The following NUP205 variants were observed in gnomAD, a reference collection of about 807,000 sequenced individuals.
NUP205 encodes nucleoporin 205.
In NUP205, 76 loss-of-function variants were observed where a neutral mutation model predicts 253.8. The ratio of observed to expected loss-of-function variants is 0.30; its 90% CI spans 0.25 to 0.36. The LOEUF (loss-of-function observed/expected upper bound fraction) is 0.36, where lower values mean the gene tolerates loss of function less well. Among genes scored for constraint, NUP205 ranks in the 10% least tolerant of loss-of-function variants. The probability of loss-of-function intolerance (pLI) is 1.00; values close to 1 mark genes in which losing one functional copy is unlikely to be tolerated. For missense variants in NUP205, 2,162 were observed against 2,425.5 expected (o/e 0.89, Z 2.28); for synonymous variants, 832 against 850.1 (o/e 0.98, Z 0.37).
intron 40 of NUP205, among the ~76,000 whole-genome samples, chr7:135,645,266 G>A (rs2129492689): frequency 6.6e-6 from 1 of 152,294 alleles, no homozygotes; most frequent in Middle Eastern, 3.4e-3. Flanking sequence ...TGCTGGCACA[G>A]GACCCCAAGG....
chr7:135,564,568 A>G (rs2129489503), intron 1 of NUP205, among the ~76,000 whole-genome samples: 1 of 150,488 alleles, frequency 6.6e-6, no homozygotes, highest in South Asian at 2.1e-4. Context: ...TTAAATAGAG[A>G]CAGGGTTTTG....
In NUP205 at chr7:135,616,712, A is replaced by T; in HGVS notation, c.3518A>T (p.Asp1173Val). 6.4e-7 allele frequency: 1 copy of T among 1,562,952 alleles called. No homozygotes were observed. The highest frequency in any genetic ancestry group is 8.6e-7 in the Non-Finnish European group (1 of 1,157,352). The change falls in exon 25 of 43, where the codon GAC (aspartate) becomes GTC (valine). Residue 1173 changes from aspartate (D) to valine (V), a missense_variant. By Grantham distance (152) the Asp-to-Val change is radical. Around this residue, in one of 5 missense-constraint regions of NUP205, gnomAD observed 1,144 missense variants for 1,280.9 expected, o/e 0.89. Coordinates refer to ENST00000285968, the MANE Select transcript of NUP205 (RefSeq NM_015135.3). ...TCTGTTTCTGGGTTCCTTCACTTTG[A>T]CACTGCTACAAAAGGTAATGCCCTT... is the stretch of plus-strand genomic sequence containing the variant. ...NRSVSGFLHF[D>V]TATKVRRKIL... is the part of the protein sequence containing the mutation.
At chr7:135,589,759 GTC>G (rs1347360134) in intron 10 of NUP205, among the ~76,000 whole-genome samples, 1 of 151,134 alleles carries the variant, frequency 6.6e-6, no homozygotes, top group Non-Finnish European at 1.5e-5. Flanking sequence ...GGTGAACCCT[GTC>G]TCTACAAAAA....
chr7:135,646,565 A>G (rs1464234445), intron 42 of NUP205, among the ~76,000 whole-genome samples: 1 of 152,188 alleles, frequency 6.6e-6, no homozygotes, highest in East Asian at 1.9e-4. Flanking sequence ...TCTCCAATAA[A>G]TGAATGAAAG....
intron 10 of NUP205, among the ~76,000 whole-genome samples, chr7:135,591,088 A>G (rs932814148): frequency 2.6e-5 from 4 of 152,132 alleles, no homozygotes; most frequent in Non-Finnish European, 4.4e-5. Context: ...TCTAGATACT[A>G]ATTTGGCTGG....
intron 20 of NUP205, among the ~76,000 whole-genome samples, 182 bp from the exon 21 acceptor site, chr7:135,606,569 A>G (rs1794090012): frequency 6.6e-6 from 1 of 152,244 alleles, no homozygotes; most frequent in African/African-American, 2.4e-5. Flanking sequence ...AAGAGTACTC[A>G]ACTTGTAAAT....
At position 135,582,037 on chromosome 7, in the gene NUP205, G is replaced by C. The variant is rs546855358; in HGVS notation, c.1043-2795G>C. Among the ~76,000 whole-genome samples, 13 of 152,268 alleles carry C rather than the reference G, an allele frequency of 8.5e-5. No individual in the cohort carries two copies. The East Asian group carries it at 2.3e-3, about 27-fold the overall frequency. ...ATAGTGGCTCATGCCTGTAATGTCA[G>C]TGCTTTGGGAGGCTGAGGTAGTCAG... On this transcript the variant is annotated intron_variant, in intron 7 of 42. Coordinates refer to ENST00000285968, the MANE Select transcript of NUP205 (RefSeq NM_015135.3).
intron 38 of NUP205, 105 bp from the exon 39 acceptor site, chr7:135,643,087 C>A: frequency 9.3e-7 from 1 of 1,070,632 alleles, no homozygotes; most frequent in Non-Finnish European, 1.4e-6. Context: ...TGACAGGTTA[C>A]ATGTCCTTAA....
In NUP205 at chr7:135,643,158, G is replaced by A. The variant is rs1338646097; in HGVS notation, c.5393-34G>A. 7 of 1,585,356 alleles carry A rather than the reference G, an allele frequency of 4.4e-6. No homozygotes were observed. In the South Asian group the frequency reaches 4.5e-5, roughly 10 times the overall value. On this transcript the variant is annotated intron_variant, in intron 38 of 42. Transcript: ENST00000285968. ...TGAAATTCATATGAAATGCTTATAAGTGGAACATTGTTTTATGTCATCACC... is the reference window on the plus strand; with the variant it reads ...TGAAATTCATATGAAATGCTTATAAATGGAACATTGTTTTATGTCATCACC...
At position 135,619,474 on chromosome 7, in the gene NUP205, G is replaced by C; in HGVS notation, c.4015G>C (p.Val1339Leu). 1 of 1,613,746 alleles carries C rather than the reference G, an allele frequency of 6.2e-7. No individual in the cohort carries two copies. Among genetic ancestry groups the C allele is most frequent in the Non-Finnish European group, 8.5e-7 (1 of 1,180,010 alleles). Residue 1339 changes from valine to leucine, a missense_variant, in exon 29 of 43, where the codon GTG (valine) becomes CTG (leucine). Val to Leu is a conservative substitution (Grantham distance 32). This residue lies in a region of NUP205 where 1,144 missense variants were observed against 1,280.9 expected (regional missense o/e 0.89). Coordinates refer to ENST00000285968, the MANE Select transcript of NUP205 (RefSeq NM_015135.3). ...QELMPVVAGA[V>L]FTLTAHLSQA... ...GTTAATGCCTGTGGTCGCCGGGGCAGTGTTCACACTGACTGCTCACCTAAG... is the reference window on the plus strand; with the variant it reads ...GTTAATGCCTGTGGTCGCCGGGGCACTGTTCACACTGACTGCTCACCTAAG...
intron 36 of NUP205, among the ~76,000 whole-genome samples, chr7:135,636,317 C>A (rs879482431): frequency 6.6e-6 from 1 of 151,940 alleles, no homozygotes; most frequent in Non-Finnish European, 1.5e-5. Flanking sequence ...TTTTTTCATG[C>A]GCTGTTTTTC....
At chr7:135,629,594 C>T (rs1464365607) in intron 34 of NUP205, among the ~76,000 whole-genome samples, 4 of 149,980 alleles carry the variant, frequency 2.7e-5, no homozygotes, top group Non-Finnish European at 5.9e-5. Context: ...TGGCACGATT[C>T]CAGCTCACTG....
rs372391692 is a variant in NUP205 at position 135,648,527 on chromosome 7, C to T, written c.6010C>T (p.Arg2004Cys). ...CATACAGGCTCTTGTCAGACGTATC[C>T]GTGGCCTCTTGAGGATATCAAGGAA... ...SFIQALVRRIRGLLRISRN is the reference protein window; with the variant it reads ...SFIQALVRRICGLLRISRN Residue 2004 changes from arginine (R) to cysteine (C), a missense_variant, in exon 43 of 43, where the codon CGT (arginine) becomes TGT (cysteine). Physicochemically the swap from Arg to Cys is radical, Grantham distance 180. This residue lies in a region of NUP205 where 1,144 missense variants were observed against 1,280.9 expected (regional missense o/e 0.89). Coordinates refer to ENST00000285968, the MANE Select transcript of NUP205 (RefSeq NM_015135.3). The T allele has an allele frequency of 5.5e-5, 87 of 1,592,282 alleles. No homozygotes were observed. The highest frequency in any genetic ancestry group is 1.7e-4 in the Middle Eastern group (1 of 6,024).
intron 2 of NUP205, 131 bp downstream of exon 2, chr7:135,571,378 A>G: frequency 2.2e-6 from 1 of 458,504 alleles, no homozygotes; most frequent in Admixed American, 4.9e-5. Flanking sequence ...CCACAGTCTC[A>G]TGAGGTCCTG....
At position 135,619,562 on chromosome 7, in the gene NUP205, C is replaced by G; in HGVS notation, c.4103C>G (p.Ala1368Gly). Residue 1368 changes from alanine (A) to glycine (G), a missense_variant, in exon 29 of 43, where the codon GCT (alanine) becomes GGT (glycine). Ala to Gly is a moderately conservative substitution (Grantham distance 60, BLOSUM62 0). Coordinates refer to ENST00000285968, the MANE Select transcript of NUP205 (RefSeq NM_015135.3). ...SVLGPAEAHYAFMLDSCFTSP... is the reference protein window; with the variant it reads ...SVLGPAEAHYGFMLDSCFTSP... The stretch of plus-strand genomic sequence containing the variant: ...TTGGGACCAGCAGAGGCCCATTACG[C>G]TTTTATGCTTGATAGTTGCTTCACC... The G allele has an allele frequency of 6.2e-7, 1 of 1,614,126 alleles. No homozygotes were observed. The highest frequency in any genetic ancestry group is 8.5e-7 in the Non-Finnish European group (1 of 1,180,030).
intron 1 of NUP205, among the ~76,000 whole-genome samples, chr7:135,568,857 C>A (rs553131397): frequency 1.3e-5 from 2 of 152,294 alleles, no homozygotes; most frequent in South Asian, 4.1e-4. Context: ...TTTCCTCATC[C>A]TTCAAATGCT....
In NUP205 at chr7:135,589,451, G is replaced by C. The variant is rs1004955574; in HGVS notation, c.1473+1459G>C. 4.6e-5 allele frequency among the ~76,000 whole-genome samples: 7 copies of C among 150,818 alleles called. No homozygotes were observed. The Admixed American group carries it at 4.6e-4, about 10-fold the overall frequency. On this transcript the variant is annotated intron_variant, in intron 10 of 42. Transcript: ENST00000285968. The stretch of plus-strand genomic sequence containing the variant: ...TTATAGACATGCGCCACCACGCCAG[G>C]CTAATTTTGTATTTTTAGTAGAGAT...
At chr7:135,622,437 G>GA (rs78117816) in intron 30 of NUP205, among the ~76,000 whole-genome samples, 186 of 140,784 alleles carry the variant, frequency 1.3e-3, no homozygotes, top group Middle Eastern at 3.6e-3. Context: ...AAAAAAGAAG[G>GA]AAAAAAAAAA....
rs896624825 is a variant in NUP205 at position 135,559,763 on chromosome 7, C to T, written c.28+1791C>T. 3.3e-5 allele frequency among the ~76,000 whole-genome samples: 5 copies of T among 151,322 alleles called. No individual in the cohort carries two copies. In the Admixed American group the frequency reaches 3.3e-4, roughly 10 times the overall value. On this transcript the variant is annotated intron_variant, in intron 1 of 42. Coordinates refer to ENST00000285968, the MANE Select transcript of NUP205 (RefSeq NM_015135.3). ...CTGGAGTGCAGTGGCGTGATCTCGG[C>T]TCACTGCAGCCTCCACCTCCTGGGT...
Sources: gnomAD v4.1 joint callset for allele counts (sites outside exome capture counted in the v4.1 genomes callset) on GRCh38, gnomAD v4.1.1 for gene constraint, gnomAD v4.1.1 regional missense constraint, MANE v1.5 for transcripts, NCBI Gene and HGNC (gene_info 2026-07-23, HGNC 2026-07-21) for gene names.